ODAD2: variants seen among roughly 807,000 people sequenced by gnomAD.
The protein encoded by ODAD2 is outer dynein arm docking complex subunit 2.
Under a neutral mutation model 106.8 loss-of-function variants are expected in ODAD2, and 89 were observed. That is an observed-to-expected ratio of 0.83 (90% CI 0.70 to 0.99). ODAD2 has a LOEUF of 0.99. ODAD2 is among the 50% of genes least tolerant of loss of function. The pLI, the probability that ODAD2 is intolerant of heterozygous loss-of-function variation, is 0.00. For missense variants in ODAD2, 1,168 were observed against 1,238.5 expected, an observed-to-expected ratio of 0.94 and a Z score of 0.85; for synonymous variants, 404 against 436.2, an observed-to-expected ratio of 0.93 and a Z score of 0.92.
intron 19 of ODAD2, among the ~76,000 whole-genome samples, chr10:27,818,748 CT>C (rs1365764726): frequency 6.6e-6 from 1 of 152,222 alleles, no homozygotes; most frequent in Non-Finnish European, 1.5e-5. Flanking sequence ...AGTCCTTGGC[CT>C]CCCCGCTCAT....
chr10:27,913,861 G>A (rs941907653), intron 16 of ODAD2, among the ~76,000 whole-genome samples: 3 of 152,144 alleles, frequency 2.0e-5, no homozygotes, highest in Non-Finnish European at 2.9e-5. Context: ...GTGGAGAAAA[G>A]GGAAAGCTTG....
At chr10:27,896,793 A>G (rs890836852) in intron 17 of ODAD2, among the ~76,000 whole-genome samples, 1 of 152,174 alleles carries the variant, frequency 6.6e-6, no homozygotes, top group African/African-American at 2.4e-5. Context: ...TACATGCACA[A>G]AATCACACAC....
chr10:27,992,032 A>G (rs569331278), intron 2 of ODAD2, among the ~76,000 whole-genome samples: 1 of 152,316 alleles, frequency 6.6e-6, no homozygotes, highest in East Asian at 1.9e-4. Flanking sequence ...CTGAGTGGCT[A>G]TGGGTTACTG....
chr10:27,863,423 C>G (rs561843787), intron 17 of ODAD2, among the ~76,000 whole-genome samples: 2 of 152,146 alleles, frequency 1.3e-5, no homozygotes, highest in South Asian at 4.1e-4. Context: ...CAGCTGAGAA[C>G]GTGTGCATTG....
intron 7 of ODAD2, among the ~76,000 whole-genome samples, chr10:27,977,712 C>T (rs1484614825): frequency 6.6e-6 from 1 of 151,652 alleles, no homozygotes; most frequent in African/African-American, 2.4e-5. Context: ...CTGAATAGCC[C>T]AATGAAAAAA....
In ODAD2 at chr10:27,984,993, G is replaced by A. The variant is rs751431302; in HGVS notation, c.575+26C>T. On this transcript the variant is annotated intron_variant, in intron 4 of 19. Transcript: ENST00000305242. The stretch of plus-strand genomic sequence containing the variant: ...GGTGCAATCTTGGCTCAATACAATA[G>A]AGGTTCCTTTTTGAAAAAGACTCAC... 3.2e-6 allele frequency: 5 copies of A among 1,585,644 alleles called. No homozygotes were observed. The East Asian group carries it at 1.1e-4, about 36-fold the overall frequency.
chr10:27,887,181 G>A (rs1484604183), intron 17 of ODAD2, among the ~76,000 whole-genome samples: 3 of 152,052 alleles, frequency 2.0e-5, no homozygotes, highest in Non-Finnish European at 4.4e-5. Context: ...GACATTCCAT[G>A]CAAATAGTAA....
At chr10:27,851,612 GA>G (rs901647024) in intron 19 of ODAD2, among the ~76,000 whole-genome samples, 1 of 151,614 alleles carries the variant, frequency 6.6e-6, no homozygotes, top group Non-Finnish European at 1.5e-5. Flanking sequence ...TGAAGACAAA[GA>G]AAAAAATCCT....
At chr10:27,856,258 T>C (rs936972604) in intron 19 of ODAD2, among the ~76,000 whole-genome samples, 1 of 151,402 alleles carries the variant, frequency 6.6e-6, no homozygotes, top group African/African-American at 2.4e-5. Context: ...CCTATCACAC[T>C]GTATTGGAGG....
chr10:27,862,712 G>A, intron 17 of ODAD2, 90 bp from the exon 18 acceptor site: 4 of 859,890 alleles, frequency 4.7e-6, no homozygotes, highest in East Asian at 2.8e-5. Context: ...ACAGCTGTGA[G>A]GTACATCTTT....
chr10:27,940,823 T>A lies in ODAD2; in HGVS notation c.1744-18A>T. 1.2e-6 allele frequency: 2 copies of A among 1,604,280 alleles called. No individual in the cohort carries two copies. On this transcript the variant is annotated intron_variant, in intron 12 of 19. Coordinates refer to ENST00000305242, the MANE Select transcript of ODAD2 (RefSeq NM_018076.5). Reference sequence around the variant, plus strand: ...AGAGCAACCTATAATAATAGATAAATCCAATGTTCATGGAAATCTTAAAAA... The same window carrying A: ...AGAGCAACCTATAATAATAGATAAAACCAATGTTCATGGAAATCTTAAAAA...
At position 27,971,182 on chromosome 10, in the gene ODAD2, A is replaced by T; in HGVS notation, c.1068T>A (p.Ile356=). The part of the protein sequence containing the change: ...SDKRSLEKNQ[I]NFWRNQMTKR... Reference sequence around the variant, plus strand: ...TGGTCATTTGATTCCTCCAAAAATTAATTTGGTTCTTCTCCAGTGACCTTT... The same window carrying T: ...TGGTCATTTGATTCCTCCAAAAATTTATTTGGTTCTTCTCCAGTGACCTTT... The change falls in exon 8 of 20, where the codon ATT becomes ATA. Residue 356 remains isoleucine, a synonymous_variant. Transcript: ENST00000305242. The T allele has an allele frequency of 6.2e-7, 1 of 1,613,848 alleles. No homozygotes were observed. The highest frequency in any genetic ancestry group is 8.5e-7 in the Non-Finnish European group (1 of 1,179,860).
chr10:27,878,095 A>T (rs1841465842), intron 17 of ODAD2, among the ~76,000 whole-genome samples: 1 of 144,026 alleles, frequency 6.9e-6, no homozygotes, highest in African/African-American at 2.5e-5. Context: ...ACTACTTAGG[A>T]GATTAGTAAT....
At chr10:27,926,763 A>T (rs982712394) in intron 16 of ODAD2, among the ~76,000 whole-genome samples, 3 of 152,138 alleles carry the variant, frequency 2.0e-5, no homozygotes, top group Non-Finnish European at 2.9e-5. Flanking sequence ...TTTAACTTAA[A>T]TTTTTTTAGT....
intron 19 of ODAD2, among the ~76,000 whole-genome samples, chr10:27,819,590 A>T (rs796100591): frequency 5.0e-4 from 75 of 151,000 alleles, no homozygotes; most frequent in African/African-American, 1.8e-3. Context: ...AAAAAAAAAA[A>T]AAAAAAAAAA....
At chr10:27,981,697 G>T in intron 6 of ODAD2, 115 bp from the exon 7 acceptor site, 3 of 762,654 alleles carry the variant, frequency 3.9e-6, no homozygotes, top group South Asian at 2.0e-5. Flanking sequence ...GGATCTATAT[G>T]GTAGTTTTAA....
rs776941133 is a variant in ODAD2, at chr10:27,935,004, A to G, written c.2495+6T>C. ...ATAAAATCTTTCCATCTCCAGGGCC[A>G]CTTACATCATACTTTCAGGTTCTAC... On this transcript the variant is annotated splice_donor_region_variant and intron_variant, in intron 16 of 19. Coordinates refer to ENST00000305242, the MANE Select transcript of ODAD2 (RefSeq NM_018076.5). The G allele has an allele frequency of 3.1e-6, 5 of 1,613,698 alleles. No individual in the cohort carries two copies. Among genetic ancestry groups the G allele is most frequent in the African/African-American group, 1.3e-5 (1 of 74,904 alleles).
intron 4 of ODAD2, 50 bp downstream of exon 4, chr10:27,984,969 G>T (rs751601634): frequency 1.5e-6 from 2 of 1,369,226 alleles, no homozygotes; most frequent in Non-Finnish European, 2.0e-6. Context: ...GAGTTCAGTG[G>T]TGCAATCTTG....
chr10:27,844,834 G>C (rs996747148), intron 19 of ODAD2, among the ~76,000 whole-genome samples: 2 of 152,138 alleles, frequency 1.3e-5, no homozygotes, highest in African/African-American at 4.8e-5. Flanking sequence ...AAGAAGGGGA[G>C]GAAAATTTAT....
Sources: gnomAD v4.1 joint callset for allele counts (sites outside exome capture counted in the v4.1 genomes callset) on GRCh38, gnomAD v4.1.1 for gene constraint, MANE v1.5 for transcripts, NCBI Gene and HGNC (gene_info 2026-07-23, HGNC 2026-07-21) for gene names.